MAPRE2: variants seen among roughly 807,000 people sequenced by gnomAD.
MAPRE2 encodes microtubule associated protein RP/EB family member 2, also known as microtubule-associated protein RP/EB family member 2.
A neutral mutation model predicts 43.2 loss-of-function variants in MAPRE2; 13 were observed. That is an observed-to-expected ratio of 0.30 (90% CI 0.20 to 0.48). The LOEUF (loss-of-function observed/expected upper bound fraction) is 0.48, where lower values mean the gene tolerates loss of function less well. Among genes scored for constraint, MAPRE2 ranks in the 20% least tolerant of loss-of-function variants. MAPRE2 has a pLI of 0.99. For synonymous variants in MAPRE2, 135 were observed against 148.8 expected (o/e 0.91, Z 0.68); for missense variants, 161 against 400.2 (o/e 0.40, Z 5.10).
rs775324183 is a variant in MAPRE2, at chr18:35,070,195, T to C, written c.123T>C (p.Ser41=). 10 of 1,579,552 alleles carry C rather than the reference T, an allele frequency of 6.3e-6. 1 individual carries two copies. In the South Asian group the frequency reaches 9.5e-5, roughly 15 times the overall value. ...KHTVRGERSY[S]WGMAVNVYST... is the part of the protein sequence containing the mutation. ...TAAATAAACTTTGTTTTTTTTCTAGTTGGGGAATGGCGGTCAATGTGTATT... is the reference window on the plus strand; with the variant it reads ...TAAATAAACTTTGTTTTTTTTCTAGCTGGGGAATGGCGGTCAATGTGTATT... The change falls in exon 2 of 7, where the codon AGT becomes AGC. Residue 41 remains serine, a splice_region_variant and synonymous_variant. Transcript: ENST00000300249.
At chr18:35,018,310 G>A (rs2150586359) in intron 2 of MAPRE2, among the ~76,000 whole-genome samples, 1 of 151,888 alleles carries the variant, frequency 6.6e-6, no homozygotes, top group Non-Finnish European at 1.5e-5. Context: ...GTATCAGGTT[G>A]ATGTCTGATA....
chr18:35,098,122 T>G (rs2144170750), intron 3 of MAPRE2, among the ~76,000 whole-genome samples: 1 of 152,308 alleles, frequency 6.6e-6, no homozygotes, highest in African/African-American at 2.4e-5. Flanking sequence ...ATTTGCCCTT[T>G]TTTTCTCCCA....
At chr18:34,998,038 G>T (rs935130937) in intron 1 of MAPRE2, among the ~76,000 whole-genome samples, 1 of 152,026 alleles carries the variant, frequency 6.6e-6, no homozygotes, top group Non-Finnish European at 1.5e-5. Flanking sequence ...TTGGGGTATC[G>T]GCTCCACAAC....
At chr18:35,081,338 G>A (rs1468998576) in intron 2 of MAPRE2, among the ~76,000 whole-genome samples, 1 of 152,112 alleles carries the variant, frequency 6.6e-6, no homozygotes, top group African/African-American at 2.4e-5. Context: ...AGAAAGCAAA[G>A]TATATTTTGG....
At chr18:35,126,724 A>G (rs1232092943) in intron 4 of MAPRE2, among the ~76,000 whole-genome samples, 1 of 152,150 alleles carries the variant, frequency 6.6e-6, no homozygotes, top group Admixed American at 6.5e-5. Flanking sequence ...ACTTGAGGAA[A>G]AAAAAAACAG....
intron 2 of MAPRE2, among the ~76,000 whole-genome samples, chr18:35,035,677 C>T (rs372682909): frequency 2.0e-5 from 3 of 150,690 alleles, no homozygotes; most frequent in African/African-American, 7.3e-5. Flanking sequence ...GATTCATACT[C>T]TCTGTGACAT....
chr18:34,998,528 C>T (rs540188447), intron 1 of MAPRE2, among the ~76,000 whole-genome samples: 12 of 151,928 alleles, frequency 7.9e-5, no homozygotes, highest in African/African-American at 2.4e-4. Flanking sequence ...GGGGTTTCAC[C>T]GTGTTAGCCA....
chr18:35,053,009 C>G (rs1188372689), intron 1 of MAPRE2, among the ~76,000 whole-genome samples: 2 of 136,628 alleles, frequency 1.5e-5, no homozygotes, highest in Non-Finnish European at 3.1e-5. Context: ...AAGTCCCCCC[C>G]ACACACACAC....
chr18:34,990,155 T>A (rs1453784209), intron 1 of MAPRE2, among the ~76,000 whole-genome samples: 1 of 152,192 alleles, frequency 6.6e-6, no homozygotes, highest in Non-Finnish European at 1.5e-5. Context: ...CTCAGAAAGG[T>A]TGCTCTCCAC....
Position 34,991,165 on chromosome 18 carries a change from A to T in MAPRE2, c.-70+14086A>T, listed in dbSNP as rs190288594. Among the ~76,000 whole-genome samples the T allele has an allele frequency of 6.4e-3, 976 of 151,534 alleles. 9 individuals carry two copies. The highest frequency in any genetic ancestry group is 0.022 in the African/African-American group (905 of 41,288). ...ACAGGTAGTTTTTCAACCCTTGTCCACCTCCTCCTGCCTCTTTCCTCCCCT... is the reference window on the plus strand; with the variant it reads ...ACAGGTAGTTTTTCAACCCTTGTCCTCCTCCTCCTGCCTCTTTCCTCCCCT... On this transcript the variant is annotated intron_variant, in intron 1 of 7. Transcript: ENST00000413393.
rs77976298 is a variant in MAPRE2, at chr18:35,002,314, C to T, written c.-69-3178C>T. Among the ~76,000 whole-genome samples, 1,125 of 152,256 alleles carry T rather than the reference C, an allele frequency of 7.4e-3. 10 individuals carry two copies. The highest frequency in any genetic ancestry group is 0.025 in the African/African-American group (1,025 of 41,544). The stretch of plus-strand genomic sequence containing the variant: ...TGGGTAGTATTCTGAAGTTTGGATG[C>T]AGCACGGTTTGTTTAACCATTAACC... On this transcript the variant is annotated intron_variant, in intron 1 of 7. Transcript: ENST00000413393.
intron 1 of MAPRE2, among the ~76,000 whole-genome samples, chr18:35,048,409 A>G (rs1490634696): frequency 4.6e-5 from 7 of 151,936 alleles, no homozygotes; most frequent in African/African-American, 9.7e-5. Context: ...ATTAACACAT[A>G]TACTATATAT....
intron 2 of MAPRE2, among the ~76,000 whole-genome samples, chr18:35,016,527 T>A (rs968630274): frequency 6.6e-6 from 1 of 152,130 alleles, no homozygotes; most frequent in Non-Finnish European, 1.5e-5. Context: ...GGCATCTCAT[T>A]GTGGTTTTGA....
At chr18:35,034,696 G>T (rs1478517200) in intron 2 of MAPRE2, among the ~76,000 whole-genome samples, 2 of 152,100 alleles carry the variant, frequency 1.3e-5, no homozygotes, top group African/African-American at 4.8e-5. Context: ...CAAAAAGTGG[G>T]CAAAGGACAT....
chr18:35,115,993 C>G (rs1439263736), intron 4 of MAPRE2, among the ~76,000 whole-genome samples: 1 of 152,096 alleles, frequency 6.6e-6, no homozygotes, highest in Non-Finnish European at 1.5e-5. Context: ...TGTTGAAGCA[C>G]TGTAAGAGAT....
chr18:34,978,239 A>G (rs998894221), intron 1 of MAPRE2: 5 of 522,516 alleles, frequency 9.6e-6, no homozygotes, highest in African/African-American at 7.9e-5. Flanking sequence ...CAAAAGGAAA[A>G]TAGTGTAGAC....
rs1157678686 is a variant in MAPRE2, at chr18:34,987,643, G to GA, written c.-70+10570dup. Among the ~76,000 whole-genome samples the GA allele has an allele frequency of 1.3e-5, 2 of 151,852 alleles. 1 individual carries two copies. The highest frequency in any genetic ancestry group is 4.2e-4 in the South Asian group (2 of 4,810). ...CATTTATAATATTATGAATCAATGT[G>GA]AAAAAATATTATTTTTTGAGACAGG... On this transcript the variant is annotated intron_variant, in intron 1 of 7. Transcript: ENST00000413393.
rs992274892 is a variant in MAPRE2 at position 35,090,947 on chromosome 18, C to A, written c.251-6499C>A. 5.3e-5 allele frequency among the ~76,000 whole-genome samples: 8 copies of A among 152,030 alleles called. No individual in the cohort carries two copies. The South Asian group carries it at 1.7e-3, about 32-fold the overall frequency. Reference sequence around the variant, plus strand: ...CAAACTATCTGAAAAATTAAGGAAGCAATCCCACTTATAATCACTACCAAA... The same window carrying A: ...CAAACTATCTGAAAAATTAAGGAAGAAATCCCACTTATAATCACTACCAAA... On this transcript the variant is annotated intron_variant, in intron 2 of 6. Transcript: ENST00000300249.
chr18:35,124,929 T>A (rs1185242310), intron 4 of MAPRE2, among the ~76,000 whole-genome samples: 1 of 152,130 alleles, frequency 6.6e-6, no homozygotes, highest in African/African-American at 2.4e-5. Flanking sequence ...TTATATGGGC[T>A]TCAACAGAGC....
Sources: gnomAD v4.1 joint callset for allele counts (sites outside exome capture counted in the v4.1 genomes callset) on GRCh38, gnomAD v4.1.1 for gene constraint, MANE v1.5 for transcripts, NCBI Gene and HGNC (gene_info 2026-07-23, HGNC 2026-07-21) for gene names.